The following SEMA3E variants were observed in gnomAD, a reference collection of about 807,000 sequenced individuals.
SEMA3E encodes semaphorin 3E.
Under a neutral mutation model 93.6 loss-of-function variants are expected in SEMA3E, and 49 were observed. The observed-to-expected ratio is 0.52, with a 90% confidence interval of 0.42 to 0.66. SEMA3E has a LOEUF of 0.66. SEMA3E is among the 30% of genes least tolerant of loss of function. The probability of loss-of-function intolerance (pLI) is 0.00; values close to 1 mark genes in which losing one functional copy is unlikely to be tolerated. For missense variants in SEMA3E, 906 were observed against 964.8 expected (o/e 0.94, Z 0.81); for synonymous variants, 363 against 330.7 (o/e 1.10, Z -1.06).
intron 5 of SEMA3E, among the ~76,000 whole-genome samples, chr7:83,410,768 T>TA (rs201661550): frequency 1.3e-3 from 201 of 152,130 alleles, no homozygotes; most frequent in Admixed American, 4.9e-3. Context: ...AGTTGACACT[T>TA]AAAAAAATTG....
At chr7:83,550,266 T>C (rs1242898422) in intron 1 of SEMA3E, among the ~76,000 whole-genome samples, 1 of 152,118 alleles carries the variant, frequency 6.6e-6, no homozygotes, top group Non-Finnish European at 1.5e-5. Context: ...AATCCTTGTT[T>C]TGAAGAACTA....
chr7:83,606,973 A>C (rs976034257), intron 1 of SEMA3E, among the ~76,000 whole-genome samples: 3 of 152,186 alleles, frequency 2.0e-5, no homozygotes, highest in African/African-American at 7.2e-5. Context: ...TTAAAGTATA[A>C]TGTAGGGAAT....
chr7:83,459,625 T>C (rs923193323), intron 4 of SEMA3E, among the ~76,000 whole-genome samples: 2 of 150,470 alleles, frequency 1.3e-5, no homozygotes, highest in Admixed American at 6.6e-5. Context: ...TGGATGTTAG[T>C]TAATCTACAA....
Position 83,394,544 on chromosome 7 carries a change from G to A in SEMA3E, c.1459-206C>T, listed in dbSNP as rs912766409. 4.6e-5 allele frequency among the ~76,000 whole-genome samples: 7 copies of A among 151,720 alleles called. No individual in the cohort carries two copies. The South Asian group carries it at 1.5e-3, about 32-fold the overall frequency. ...TTCTAACAGGGTGGGCAGATATGCA[G>A]ATGAGAAGAGCAGCAGGAAATCTAA... On this transcript the variant is annotated intron_variant, in intron 12 of 16. Coordinates refer to ENST00000643230, the MANE Select transcript of SEMA3E (RefSeq NM_012431.3).
intron 4 of SEMA3E, among the ~76,000 whole-genome samples, chr7:83,464,288 G>C (rs565843470): frequency 6.6e-6 from 1 of 151,714 alleles, no homozygotes; most frequent in Admixed American, 6.6e-5. Context: ...GAATGCTACA[G>C]GGTACAGCCC....
chr7:83,589,048 T>A (rs1252537610), intron 1 of SEMA3E, among the ~76,000 whole-genome samples: 1 of 152,174 alleles, frequency 6.6e-6, no homozygotes, highest in Non-Finnish European at 1.5e-5. Context: ...AGAGCTCTCC[T>A]TCACATCTGT....
chr7:83,392,812 T>G, intron 13 of SEMA3E, 91 bp from the exon 14 acceptor site: 1 of 1,217,606 alleles, frequency 8.2e-7, no homozygotes, highest in Middle Eastern at 2.6e-4. Context: ...CACAATCACC[T>G]CAGAAAAAAT....
At chr7:83,381,094 A>G (rs1239501283) in intron 16 of SEMA3E, among the ~76,000 whole-genome samples, 1 of 151,976 alleles carries the variant, frequency 6.6e-6, no homozygotes, top group African/African-American at 2.4e-5. Flanking sequence ...CCAACATACT[A>G]TAATCTTAAT....
At chr7:83,611,300 T>A (rs1311709401) in intron 1 of SEMA3E, among the ~76,000 whole-genome samples, 10 of 143,038 alleles carry the variant, frequency 7.0e-5, no homozygotes, top group South Asian at 2.1e-4. Flanking sequence ...ATTTATATAT[T>A]ATATATATAA....
intron 16 of SEMA3E, among the ~76,000 whole-genome samples, chr7:83,369,753 G>T (rs915082135): frequency 1.3e-5 from 2 of 152,072 alleles, no homozygotes; most frequent in Non-Finnish European, 2.9e-5. Context: ...ACTGTTATAG[G>T]CAACTAACTT....
chr7:83,589,414 A>G (rs945681270), intron 1 of SEMA3E, among the ~76,000 whole-genome samples: 15 of 152,190 alleles, frequency 9.9e-5, no homozygotes, highest in African/African-American at 3.4e-4. Context: ...TTTCATAGAT[A>G]TAACTTCAAA....
intron 5 of SEMA3E, among the ~76,000 whole-genome samples, chr7:83,409,081 C>G (rs568835629): frequency 6.6e-6 from 1 of 152,194 alleles, no homozygotes; most frequent in East Asian, 1.9e-4. Context: ...ATAAAAAGCG[C>G]TCAAAATTTA....
At chr7:83,467,725 A>T (rs73707850) in intron 3 of SEMA3E, among the ~76,000 whole-genome samples, 3,839 of 152,294 alleles carry the variant, frequency 0.025, 124 homozygotes, top group African/African-American at 0.069. Context: ...TCGGCCTAGA[A>T]GCTCTAGTTT....
intron 1 of SEMA3E, among the ~76,000 whole-genome samples, chr7:83,521,679 C>A (rs1408642520): frequency 6.6e-6 from 1 of 152,026 alleles, no homozygotes; most frequent in Non-Finnish European, 1.5e-5. Flanking sequence ...TTCTTCCCGG[C>A]TTGAATATGG....
intron 14 of SEMA3E, among the ~76,000 whole-genome samples, chr7:83,391,166 T>C (rs1252906780): frequency 6.6e-6 from 1 of 152,164 alleles, no homozygotes; most frequent in Non-Finnish European, 1.5e-5. Context: ...TTAATTCCCT[T>C]TGACTGGAAT....
intron 16 of SEMA3E, among the ~76,000 whole-genome samples, chr7:83,376,853 T>C (rs1787646420): frequency 6.6e-6 from 1 of 152,032 alleles, no homozygotes; most frequent in African/African-American, 2.4e-5. Flanking sequence ...ATATTTCCTC[T>C]TAAATAGAGA....
At chr7:83,596,520 C>G (rs74410462) in intron 1 of SEMA3E, among the ~76,000 whole-genome samples, 41,014 of 151,918 alleles carry the variant, frequency 0.27, 5,980 homozygotes, top group East Asian at 0.4. Context: ...TAACTGAATA[C>G]AGAATATTTG....
chr7:83,439,802 G>T (rs1789075562), intron 4 of SEMA3E, among the ~76,000 whole-genome samples: 1 of 152,098 alleles, frequency 6.6e-6, no homozygotes, highest in South Asian at 2.1e-4. Context: ...TATCCTTAAC[G>T]TATTTTCTTT....
rs371723398 is a variant in SEMA3E at position 83,514,130 on chromosome 7, T to A, written c.116-23856A>T. On this transcript the variant is annotated intron_variant, in intron 1 of 16. Transcript: ENST00000643230. ...TCCCTTCAGCACCATGACAGTTTAC[T>A]AATGCCATGGCAATGTCAAGAAGTT... is the stretch of plus-strand genomic sequence containing the variant. 9.2e-5 allele frequency among the ~76,000 whole-genome samples: 14 copies of A among 152,260 alleles called. 3 individuals are homozygous for A. The highest frequency in any genetic ancestry group is 7.2e-5 in the African/African-American group (3 of 41,556).
Sources: gnomAD v4.1 joint callset for allele counts (sites outside exome capture counted in the v4.1 genomes callset) on GRCh38, gnomAD v4.1.1 for gene constraint, MANE v1.5 for transcripts, NCBI Gene and HGNC (gene_info 2026-07-23, HGNC 2026-07-21) for gene names.